CSMD1: variants seen among roughly 807,000 people sequenced by gnomAD.
The protein encoded by CSMD1 is CUB and sushi domain-containing protein 1.
A neutral mutation model predicts 417.5 loss-of-function variants in CSMD1; 213 were observed. The ratio of observed to expected loss-of-function variants is 0.51; its 90% CI spans 0.46 to 0.57. The LOEUF is 0.57. Ranked by LOEUF, CSMD1 falls within the 20% of genes least tolerant of loss-of-function variation. The pLI, the probability that CSMD1 is intolerant of heterozygous loss-of-function variation, is 0.00. For synonymous variants in CSMD1, 2,862 were observed against 1,736.8 expected (o/e 1.65, Z -16.11); for missense variants, 6,923 against 4,529.7 (o/e 1.53, Z -15.17).
intron 26 of CSMD1, among the ~76,000 whole-genome samples, chr8:3,249,587 C>T (rs569409563): frequency 6.6e-6 from 1 of 151,470 alleles, no homozygotes; most frequent in South Asian, 2.1e-4. Context: ...AATAAGTTTA[C>T]AATCGTATAA....
At chr8:3,450,646 A>C (rs1815644354) in intron 12 of CSMD1, among the ~76,000 whole-genome samples, 1 of 151,834 alleles carries the variant, frequency 6.6e-6, no homozygotes, top group African/African-American at 2.4e-5. Context: ...ACATGAACTC[A>C]TCATTTTTCA....
chr8:4,821,766 C>A (rs1203590543), intron 1 of CSMD1, among the ~76,000 whole-genome samples: 1 of 152,050 alleles, frequency 6.6e-6, no homozygotes, highest in African/African-American at 2.4e-5. Flanking sequence ...TTTCCTAACA[C>A]TATATTGATG....
chr8:4,662,341 G>A (rs1347530100), intron 1 of CSMD1, among the ~76,000 whole-genome samples: 2 of 152,174 alleles, frequency 1.3e-5, no homozygotes. Flanking sequence ...GGAAAGCAGA[G>A]GGGGCGATTT....
At chr8:3,448,402 GGAAGGAAGGAAGGAAGGGAA>G (rs2117093518) in intron 12 of CSMD1, among the ~76,000 whole-genome samples, 2 of 102,386 alleles carry the variant, frequency 2.0e-5, no homozygotes, top group Non-Finnish European at 4.3e-5. Flanking sequence ...AGGAAGGGAA[GGAAGGAAGGAAGGAAGGGAA>G]GGAAGAAGGA....
At chr8:4,638,802 T>C (rs11993465) in intron 1 of CSMD1, among the ~76,000 whole-genome samples, 10,462 of 152,212 alleles carry the variant, frequency 0.069, 438 homozygotes, top group East Asian at 0.11. Flanking sequence ...TGAAGGGCAA[T>C]TGAGTGCCAC....
At chr8:4,283,351 C>G (rs1007913564) in intron 3 of CSMD1, among the ~76,000 whole-genome samples, 1 of 152,092 alleles carries the variant, frequency 6.6e-6, no homozygotes, top group Non-Finnish European at 1.5e-5. Flanking sequence ...TGTATAAATG[C>G]GAACATCTTT....
intron 11 of CSMD1, among the ~76,000 whole-genome samples, chr8:3,469,847 T>A (rs1239140831): frequency 6.6e-6 from 1 of 152,232 alleles, no homozygotes; most frequent in East Asian, 1.9e-4. Flanking sequence ...AGGAAACTAT[T>A]TCTGTGAATG....
intron 4 of CSMD1, among the ~76,000 whole-genome samples, chr8:4,028,406 G>C (rs1057040743): frequency 6.6e-6 from 1 of 152,082 alleles, no homozygotes; most frequent in Admixed American, 6.6e-5. Context: ...ATACTAGCTT[G>C]TGGGGTGGTG....
At chr8:3,713,776 A>C (rs568247952) in intron 6 of CSMD1, among the ~76,000 whole-genome samples, 1 of 152,202 alleles carries the variant, frequency 6.6e-6, no homozygotes, top group Admixed American at 6.5e-5. Context: ...ATCACAGAGG[A>C]AATTGTTTTG....
Position 4,292,883 on chromosome 8 carries a change from T to C in CSMD1, c.415+127070A>G, listed in dbSNP as rs77631009. ...TAATGGGTTAATTTAAAAGGCTTTT[T>C]GTAAAGAGATAATTTGTTAGTTCTG... On this transcript the variant is annotated intron_variant, in intron 3 of 69. Transcript: ENST00000635120. Among the ~76,000 whole-genome samples, 1,389 of 152,290 alleles carry C rather than the reference T, an allele frequency of 9.1e-3. 19 individuals carry two copies. The highest frequency in any genetic ancestry group is 0.032 in the African/African-American group (1,342 of 41,562).
At chr8:4,009,043 AT>A (rs1402469127) in intron 4 of CSMD1, among the ~76,000 whole-genome samples, 2 of 152,146 alleles carry the variant, frequency 1.3e-5, no homozygotes, top group Non-Finnish European at 2.9e-5. Flanking sequence ...TTTTAAAAAT[AT>A]TTTTCCTTTA....
intron 1 of CSMD1, among the ~76,000 whole-genome samples, chr8:4,816,609 A>C (rs1359928936): frequency 6.6e-6 from 1 of 152,180 alleles, no homozygotes; most frequent in Non-Finnish European, 1.5e-5. Flanking sequence ...TCGAGGAACC[A>C]GGCGAACCAT....
At chr8:4,971,749 C>G (rs1307735246) in intron 1 of CSMD1, among the ~76,000 whole-genome samples, 3 of 151,500 alleles carry the variant, frequency 2.0e-5, no homozygotes, top group African/African-American at 7.3e-5. Context: ...ATATTACCAA[C>G]TTTTATGTCC....
chr8:4,721,725 A>T (rs1482887183), intron 1 of CSMD1, among the ~76,000 whole-genome samples: 1 of 152,188 alleles, frequency 6.6e-6, no homozygotes, highest in Non-Finnish European at 1.5e-5. Context: ...AAAGGAAATG[A>T]AACCAGCACC....
At chr8:3,033,487 G>A (rs968144148) in intron 50 of CSMD1, among the ~76,000 whole-genome samples, 1 of 152,024 alleles carries the variant, frequency 6.6e-6, no homozygotes, top group African/African-American at 2.4e-5. Context: ...GAGAATGACG[G>A]TTAACACGGG....
chr8:4,142,901 G>C (rs999853794), intron 3 of CSMD1, among the ~76,000 whole-genome samples: 1 of 150,736 alleles, frequency 6.6e-6, no homozygotes. Context: ...AACACAATAG[G>C]AGAAATTATT....
At chr8:4,647,785 T>G (rs1165791670) in intron 1 of CSMD1, among the ~76,000 whole-genome samples, 1 of 152,250 alleles carries the variant, frequency 6.6e-6, no homozygotes, top group Non-Finnish European at 1.5e-5. Flanking sequence ...ATGGTGTGTA[T>G]GTACTGGATT....
chr8:4,070,413 A>C (rs2552119), intron 3 of CSMD1, among the ~76,000 whole-genome samples: 2 of 152,082 alleles, frequency 1.3e-5, no homozygotes, highest in Non-Finnish European at 2.9e-5. Context: ...GCTGGAGTGC[A>C]GTGGTGGGAT....
intron 5 of CSMD1, among the ~76,000 whole-genome samples, chr8:3,982,545 G>A (rs13281344): frequency 6.6e-6 from 1 of 151,894 alleles, no homozygotes; most frequent in Non-Finnish European, 1.5e-5. Flanking sequence ...ATGTGCACTA[G>A]GATTATGTGC....
Sources: gnomAD v4.1 joint callset for allele counts (sites outside exome capture counted in the v4.1 genomes callset) on GRCh38, gnomAD v4.1.1 for gene constraint, MANE v1.5 for transcripts, NCBI Gene and HGNC (gene_info 2026-07-23, HGNC 2026-07-21) for gene names.